The following KNTC1 variants were observed in gnomAD, a reference collection of about 807,000 sequenced individuals.
KNTC1 encodes kinetochore associated 1, also known as kinetochore-associated protein 1.
KNTC1 carries 253 observed loss-of-function variants against 314.4 expected under a neutral mutation model. The observed-to-expected ratio is 0.80, with a 90% confidence interval of 0.73 to 0.89. KNTC1 has a LOEUF of 0.89. Among genes scored for constraint, KNTC1 ranks in the 40% least tolerant of loss-of-function variants. KNTC1 has a pLI of 0.00. For synonymous variants in KNTC1, 901 were observed against 901.4 expected (o/e 1.00, Z 0.01); for missense variants, 2,475 against 2,572.9 (o/e 0.96, Z 0.82).
intron 49 of KNTC1, 61 bp from the exon 50 acceptor site, chr12:122,604,816 G>T: frequency 6.8e-7 from 1 of 1,479,348 alleles, no homozygotes; most frequent in Non-Finnish European, 9.3e-7. Flanking sequence ...AAAGATGGAT[G>T]CTTGGCTTCA....
chr12:122,581,163 C>T (rs1005272577), intron 33 of KNTC1, among the ~76,000 whole-genome samples: 2 of 150,824 alleles, frequency 1.3e-5, no homozygotes, highest in African/African-American at 2.4e-5. Context: ...TTAAAATATA[C>T]AATTCAATGA....
intron 26 of KNTC1, among the ~76,000 whole-genome samples, chr12:122,573,945 A>C (rs531045338): frequency 3.3e-5 from 5 of 152,170 alleles, no homozygotes; most frequent in Non-Finnish European, 7.4e-5. Flanking sequence ...TACTTTCTTC[A>C]AAGGGCTATT....
At chr12:122,554,575 CATT>C (rs1472763114) in intron 16 of KNTC1, among the ~76,000 whole-genome samples, 3 of 151,966 alleles carry the variant, frequency 2.0e-5, no homozygotes, top group African/African-American at 4.8e-5. Flanking sequence ...GTGATGAGTA[CATT>C]ATTATTATAG....
intron 3 of KNTC1, among the ~76,000 whole-genome samples, chr12:122,535,866 G>T (rs1019670941): frequency 6.6e-6 from 1 of 151,466 alleles, no homozygotes. Flanking sequence ...ATTGTACTGA[G>T]CTTAGGCAAG....
chr12:122,572,210 G>C (rs1053824540), intron 24 of KNTC1, among the ~76,000 whole-genome samples: 7 of 152,010 alleles, frequency 4.6e-5, no homozygotes, highest in South Asian at 2.1e-4. Flanking sequence ...TGATTAACAT[G>C]GTGAAACCCC....
intron 16 of KNTC1, 81 bp from the exon 17 acceptor site, chr12:122,557,303 C>T (rs1963664896): frequency 7.4e-7 from 1 of 1,356,618 alleles, no homozygotes; most frequent in East Asian, 2.3e-5. Flanking sequence ...TAGTTTGTTT[C>T]ACTCAGCTTA....
chr12:122,590,558 C>T, intron 40 of KNTC1, 49 bp from the exon 41 acceptor site: 1 of 1,533,032 alleles, frequency 6.5e-7, no homozygotes, highest in Non-Finnish European at 8.8e-7. Flanking sequence ...AAAGTTAATT[C>T]TGTTTTGATT....
intron 42 of KNTC1, chr12:122,593,994 T>G: frequency 2.7e-6 from 1 of 367,126 alleles, no homozygotes; most frequent in Middle Eastern, 7.8e-4. Context: ...TTTTGAAGCT[T>G]AATTCTTCTG....
chr12:122,580,721 T>C, intron 33 of KNTC1, 51 bp downstream of exon 33: 1 of 1,273,758 alleles, frequency 7.9e-7, no homozygotes, highest in East Asian at 2.6e-5. Context: ...ATCAGTGCAT[T>C]TTTCCCTCCT....
intron 61 of KNTC1, among the ~76,000 whole-genome samples, 179 bp from the exon 62 acceptor site, chr12:122,622,283 C>T (rs557729752): frequency 6.6e-6 from 1 of 152,236 alleles, no homozygotes; most frequent in Non-Finnish European, 1.5e-5. Flanking sequence ...TGACAGGCCT[C>T]CTTTCCCTTT....
chr12:122,622,403 T>C (rs1593699913), intron 61 of KNTC1, 59 bp from the exon 62 acceptor site: 1 of 1,365,130 alleles, frequency 7.3e-7, no homozygotes, highest in East Asian at 2.4e-5. Context: ...TTCTATAGAT[T>C]AGAAGTCTGA....
rs1035260790 is a variant in KNTC1 at position 122,551,503 on chromosome 12, G to A, written c.1176G>A (p.Thr392=). The change falls in exon 15 of 64, where the codon ACG becomes ACA. Residue 392 remains threonine (T), a synonymous_variant. Coordinates refer to ENST00000333479, the MANE Select transcript of KNTC1 (RefSeq NM_014708.6). The part of the protein sequence containing the change: ...SVSVLVLRCL[T]EALPENRLSR... The stretch of plus-strand genomic sequence containing the variant: ...CTGTGTTAGTACTCAGATGTCTTAC[G>A]GAAGCTTTACCAGAAAACAGGTAAC... 1 of 1,600,466 alleles carries A rather than the reference G, an allele frequency of 6.2e-7. No individual in the cohort carries two copies. Among genetic ancestry groups the A allele is most frequent in the Non-Finnish European group, 8.5e-7 (1 of 1,172,542 alleles).
chr12:122,559,354 T>A (rs945922007), intron 18 of KNTC1, among the ~76,000 whole-genome samples: 3 of 151,318 alleles, frequency 2.0e-5, no homozygotes, highest in Non-Finnish European at 4.4e-5. Context: ...AAAATAAAAA[T>A]AAAAAAAAAT....
chr12:122,598,915 TC>T (rs1186182569), intron 44 of KNTC1, among the ~76,000 whole-genome samples: 2 of 151,888 alleles, frequency 1.3e-5, no homozygotes, highest in Non-Finnish European at 2.9e-5. Flanking sequence ...GCTCAAGTGA[TC>T]CTTCTACCTC....
In KNTC1 at chr12:122,622,873, G is replaced by A. The variant is rs914354931; in HGVS notation, c.6515+266G>A. ...TAAGGCAGGAGAATCTCTTCAACCC[G>A]GGAGGCAGAGGTTGCAGTGAGCCGA... is the stretch of plus-strand genomic sequence containing the variant. On this transcript the variant is annotated intron_variant, in intron 62 of 63. Coordinates refer to ENST00000333479, the MANE Select transcript of KNTC1 (RefSeq NM_014708.6). 1.7e-4 allele frequency among the ~76,000 whole-genome samples: 26 copies of A among 151,944 alleles called. 1 individual carries two copies. Among genetic ancestry groups the A allele is most frequent in the Non-Finnish European group, 2.2e-4 (15 of 67,950 alleles).
intron 37 of KNTC1, 65 bp from the exon 38 acceptor site, chr12:122,586,636 T>A: frequency 1.6e-6 from 1 of 638,362 alleles, no homozygotes; most frequent in Non-Finnish European, 2.5e-6. Context: ...TGCATAGTGA[T>A]GAAGTCTGGG....
At chr12:122,555,269 T>C (rs1963504337) in intron 16 of KNTC1, among the ~76,000 whole-genome samples, 1 of 152,204 alleles carries the variant, frequency 6.6e-6, no homozygotes, top group Non-Finnish European at 1.5e-5. Flanking sequence ...TCATATATAC[T>C]TGGCCGGGTG....
intron 31 of KNTC1, among the ~76,000 whole-genome samples, chr12:122,578,021 A>G (rs997324254): frequency 6.6e-5 from 10 of 152,184 alleles, no homozygotes; most frequent in Non-Finnish European, 1.3e-4. Context: ...GTGGGTTAGC[A>G]GGTGTCTTGG....
intron 12 of KNTC1, among the ~76,000 whole-genome samples, chr12:122,548,720 C>G (rs932543542): frequency 7.9e-5 from 12 of 151,916 alleles, no homozygotes; most frequent in Non-Finnish European, 1.5e-5. Context: ...GTAATCCTAG[C>G]GCTTTGGGAG....
Sources: gnomAD v4.1 joint callset for allele counts (sites outside exome capture counted in the v4.1 genomes callset) on GRCh38, gnomAD v4.1.1 for gene constraint, MANE v1.5 for transcripts, NCBI Gene and HGNC (gene_info 2026-07-23, HGNC 2026-07-21) for gene names.